POR: variants seen among roughly 807,000 people sequenced by gnomAD.
POR encodes NADPH--cytochrome P450 reductase.
In POR, 56 loss-of-function variants were observed where a neutral mutation model predicts 84.0. The ratio of observed to expected loss-of-function variants is 0.67; its 90% CI spans 0.54 to 0.83. The LOEUF (loss-of-function observed/expected upper bound fraction) is 0.83. Ranked by LOEUF, POR falls within the 40% of genes least tolerant of loss-of-function variation. The pLI is 0.00. For missense variants in POR, 938 were observed against 944.3 expected (o/e 0.99, Z 0.09); for synonymous variants, 414 against 400.5 (o/e 1.03, Z -0.40).
At chr7:75,933,813 T>TTG (rs1409507500) in intron 1 of POR, among the ~76,000 whole-genome samples, 2 of 152,202 alleles carry the variant, frequency 1.3e-5, no homozygotes, top group African/African-American at 2.4e-5. Flanking sequence ...GATTTCCCCA[T>TTG]TGTTAATATT....
intron 2 of POR, chr7:75,968,344 G>T (rs1788279226): frequency 2.2e-6 from 1 of 458,794 alleles, no homozygotes; most frequent in Non-Finnish European, 4.5e-6. Flanking sequence ...AGGCACTGGT[G>T]GCCCCTCTGG....
rs148493509 is a variant in POR at position 75,954,017 on chromosome 7, G to C, written c.25G>C (p.Val9Leu). 14 of 1,604,192 alleles carry C rather than the reference G, an allele frequency of 8.7e-6. No individual in the cohort carries two copies. Among genetic ancestry groups the C allele is most frequent in the East Asian group, 6.7e-5 (3 of 44,610 alleles). Residue 9 changes from valine to leucine, a missense_variant, in exon 2 of 16, where the codon GTG (valine) becomes CTG (leucine). Transcript: ENST00000461988. ...CATGATCAACATGGGAGACTCCCAC[G>C]TGGACACCAGCTCCACCGTGTCCGA...
In POR at chr7:75,981,617, G is replaced by A; in HGVS notation, c.731+11G>A. ...TGGCGAGGAGTCCAGGTGAGCAAGT[G>A]CCCGCAGGTGCGGTGGGTGGCCTGG... On this transcript the variant is annotated intron_variant, in intron 7 of 15. Transcript: ENST00000461988. The A allele has an allele frequency of 6.2e-7, 1 of 1,610,146 alleles. No individual in the cohort carries two copies. Among genetic ancestry groups the A allele is most frequent in the South Asian group, 1.1e-5 (1 of 90,552 alleles).
At chr7:75,974,978 A>T (rs782144978) in intron 3 of POR, among the ~76,000 whole-genome samples, 9 of 152,166 alleles carry the variant, frequency 5.9e-5, no homozygotes, top group Non-Finnish European at 1.0e-4. Flanking sequence ...TTTGTCTTTT[A>T]GTGAGATTCC....
At chr7:75,952,431 C>A (rs1357229788) in intron 1 of POR, among the ~76,000 whole-genome samples, 1 of 144,870 alleles carries the variant, frequency 6.9e-6, no homozygotes, top group African/African-American at 2.6e-5. Flanking sequence ...CCCCACCTCC[C>A]TCCCGGACGG....
At chr7:75,935,493 C>T (rs918202306) in intron 1 of POR, among the ~76,000 whole-genome samples, 3 of 151,868 alleles carry the variant, frequency 2.0e-5, no homozygotes, top group African/African-American at 7.3e-5. Flanking sequence ...TGATCTGCCC[C>T]CGTCGGCCTC....
intron 10 of POR, among the ~76,000 whole-genome samples, chr7:75,984,244 C>G (rs1418390839): frequency 6.6e-6 from 1 of 152,166 alleles, no homozygotes; most frequent in Non-Finnish European, 1.5e-5. Context: ...GCAGCCCTCC[C>G]AGGCCCCCAA....
In POR at chr7:75,985,859, G is replaced by C; in HGVS notation, c.1669+10G>C. 1 of 1,550,226 alleles carries C rather than the reference G, an allele frequency of 6.5e-7. No homozygotes were observed. Among genetic ancestry groups the C allele is most frequent in the Non-Finnish European group, 8.7e-7 (1 of 1,144,444 alleles). The stretch of plus-strand genomic sequence containing the variant: ...TGGCTGCGACAGCAGGGTGAGTGGG[G>C]TCCCATGGGGGAGAGGGGGTGACGA... On this transcript the variant is annotated intron_variant, in intron 13 of 15. Coordinates refer to ENST00000461988, the MANE Select transcript of POR (RefSeq NM_000941.3).
intron 8 of POR, among the ~76,000 whole-genome samples, chr7:75,982,786 T>C (rs890867664): frequency 1.3e-5 from 2 of 152,216 alleles, no homozygotes; most frequent in Admixed American, 6.5e-5. Flanking sequence ...CTGCTTTCTG[T>C]AGGCCTGCCC....
intron 1 of POR, chr7:75,923,409 G>C (rs1351076641): frequency 1.5e-6 from 1 of 685,700 alleles, no homozygotes; most frequent in African/African-American, 1.8e-5. Context: ...CTTCTTGGGG[G>C]TGTGTGCATC....
chr7:75,983,788 TCG>T lies in POR; in HGVS notation c.999_1000del (p.Val334GlnfsTer22). 3 of 1,612,446 alleles carry T rather than the reference TCG, an allele frequency of 1.9e-6. No individual in the cohort carries two copies. Among genetic ancestry groups the T allele is most frequent in the Non-Finnish European group, 2.5e-6 (3 of 1,179,740 alleles). ...GTGTACCCAGCCAACGACTCTGCTCTCGTCAACCAGCTGGGCAAAATCCTGGG... is the reference window on the plus strand; with the variant it reads ...GTGTACCCAGCCAACGACTCTGCTCTTCAACCAGCTGGGCAAAATCCTGGG... On this transcript the variant is annotated frameshift_variant, in exon 10 of 16. Coordinates refer to ENST00000461988, the MANE Select transcript of POR (RefSeq NM_000941.3). LOFTEE classifies it high-confidence loss of function.
chr7:75,969,569 C>T (rs1231438820), intron 2 of POR, among the ~76,000 whole-genome samples: 1 of 152,234 alleles, frequency 6.6e-6, no homozygotes, highest in African/African-American at 2.4e-5. Flanking sequence ...GGAGTTTGCT[C>T]TTGTCCTTTT....
intron 1 of POR, among the ~76,000 whole-genome samples, chr7:75,934,901 G>A (rs1321997496): frequency 6.6e-6 from 1 of 152,220 alleles, no homozygotes; most frequent in African/African-American, 2.4e-5. Flanking sequence ...GTATGGGAAA[G>A]CCTGGGAAAG....
intron 2 of POR, among the ~76,000 whole-genome samples, chr7:75,958,888 C>T (rs1787808622): frequency 6.6e-6 from 1 of 152,098 alleles, no homozygotes; most frequent in African/African-American, 2.4e-5. Flanking sequence ...TATTCCTTAT[C>T]TGAAGTGCTT....
chr7:75,968,203 C>T (rs1304636423), intron 2 of POR: 7 of 464,758 alleles, frequency 1.5e-5, no homozygotes, highest in African/African-American at 4.0e-5. Context: ...CACCCTCACT[C>T]GAGTGTGGGA....
intron 2 of POR, among the ~76,000 whole-genome samples, chr7:75,965,167 C>T (rs1554555061): frequency 6.6e-6 from 1 of 152,192 alleles, no homozygotes; most frequent in African/African-American, 2.4e-5. Context: ...GACTTGGAAG[C>T]AGGAAGATGG....
intron 1 of POR, among the ~76,000 whole-genome samples, chr7:75,926,571 A>T: frequency 6.6e-6 from 1 of 151,902 alleles, no homozygotes; most frequent in Admixed American, 6.6e-5. Context: ...CGAGGCGGGC[A>T]GATCACCTGA....
intron 3 of POR, 91 bp from the exon 4 acceptor site, chr7:75,979,360 G>A: frequency 1.3e-5 from 19 of 1,500,336 alleles, no homozygotes; most frequent in Non-Finnish European, 1.7e-5. Flanking sequence ...GGCCTGGAGG[G>A]CCCCCGCCTG....
At chr7:75,931,014 C>T (rs1171977653) in intron 1 of POR, among the ~76,000 whole-genome samples, 9 of 151,530 alleles carry the variant, frequency 5.9e-5, no homozygotes, top group South Asian at 4.2e-4. Flanking sequence ...GTAGAGATGG[C>T]GTTTCACTAT....
Sources: allele counts gnomAD v4.1 joint callset (sites outside exome capture counted in the v4.1 genomes callset), GRCh38; gene constraint gnomAD v4.1.1; transcripts MANE v1.5; gene names NCBI Gene and HGNC (gene_info 2026-07-23, HGNC 2026-07-21).